NRXN1: variants seen among roughly 807,000 people sequenced by gnomAD.
NRXN1 encodes neurexin-1.
NRXN1 carries 39 observed loss-of-function variants against 150.9 expected under a neutral mutation model. The observed-to-expected ratio is 0.26, with a 90% CI of 0.20 to 0.34. NRXN1 has a LOEUF of 0.34. NRXN1 is among the 10% of genes least tolerant of loss of function. The pLI is 1.00. For synonymous variants in NRXN1, 924 were observed against 757.0 expected (o/e 1.22, Z -3.62); for missense variants, 1,815 against 1,949.9 (o/e 0.93, Z 1.30).
At chr2:50,932,469 G>A (rs1443957111) in intron 2 of NRXN1, among the ~76,000 whole-genome samples, 1 of 151,964 alleles carries the variant, frequency 6.6e-6, no homozygotes, top group East Asian at 1.9e-4. Context: ...TCTTTTAAGT[G>A]GAGCATTTAG....
At chr2:50,638,169 A>G (rs1683510023) in intron 5 of NRXN1, among the ~76,000 whole-genome samples, 1 of 152,170 alleles carries the variant, frequency 6.6e-6, no homozygotes, top group Non-Finnish European at 1.5e-5. Flanking sequence ...AGAGATGATC[A>G]TCAGAATCAC....
At chr2:50,515,019 G>C (rs556557797) in intron 12 of NRXN1, among the ~76,000 whole-genome samples, 2 of 152,186 alleles carry the variant, frequency 1.3e-5, no homozygotes, top group Admixed American at 1.3e-4. Flanking sequence ...GTACCAGCCT[G>C]TTAGGAAGCA....
intron 5 of NRXN1, among the ~76,000 whole-genome samples, chr2:50,835,121 T>C (rs773367630): frequency 1.3e-5 from 2 of 152,172 alleles, no homozygotes; most frequent in African/African-American, 2.4e-5. Context: ...AGATGGGATG[T>C]CTTCTACCTC....
chr2:51,006,579 G>A (rs1700755310), intron 2 of NRXN1, among the ~76,000 whole-genome samples: 1 of 151,532 alleles, frequency 6.6e-6, no homozygotes, highest in Non-Finnish European at 1.5e-5. Flanking sequence ...TACCATTTGA[G>A]CAACTATAGT....
intron 5 of NRXN1, among the ~76,000 whole-genome samples, chr2:50,747,398 T>C (rs1302424843): frequency 4.6e-5 from 7 of 152,172 alleles, no homozygotes; most frequent in African/African-American, 1.2e-4. Context: ...GATTCCTCTG[T>C]GGATGTTTGG....
intron 21 of NRXN1, among the ~76,000 whole-genome samples, chr2:50,047,794 T>C (rs894319135): frequency 6.6e-6 from 1 of 152,044 alleles, no homozygotes; most frequent in African/African-American, 2.4e-5. Flanking sequence ...AACTAGAACA[T>C]AAGTTCGGTG....
Position 50,135,392 on chromosome 2 carries a change from C to T in NRXN1, c.3547-43898G>A, listed in dbSNP as rs1307131158. Among the ~76,000 whole-genome samples, 3 of 152,140 alleles carry T rather than the reference C, an allele frequency of 2.0e-5. No individual in the cohort carries two copies. In the East Asian group the frequency reaches 5.8e-4, roughly 29 times the overall value. Reference sequence around the variant, plus strand: ...CAATTATTAAGTCTTTTCTTACAAACTGTAGAGTAAAAGAAGCTGCCCAAT... The same window carrying T: ...CAATTATTAAGTCTTTTCTTACAAATTGTAGAGTAAAAGAAGCTGCCCAAT... On this transcript the variant is annotated intron_variant, in intron 18 of 22. Transcript: ENST00000401669.
chr2:50,317,520 G>GA (rs140102729), intron 17 of NRXN1, among the ~76,000 whole-genome samples: 2,979 of 149,582 alleles, frequency 0.02, 108 homozygotes, highest in African/African-American at 0.07. Flanking sequence ...ATACCCAGTG[G>GA]AAAAAAAAAT....
At chr2:49,966,705 A>C (rs1677027660) in intron 21 of NRXN1, 1 of 152,130 alleles carries the variant, frequency 6.6e-6, no homozygotes, top group South Asian at 2.1e-4. Flanking sequence ...AAAATGCTCT[A>C]AAATTAGATA....
intron 18 of NRXN1, among the ~76,000 whole-genome samples, chr2:50,098,779 T>C (rs1700576420): frequency 7.3e-6 from 1 of 137,312 alleles, no homozygotes; most frequent in Non-Finnish European, 1.6e-5. Flanking sequence ...CCTTAGAGGA[T>C]GAGTCAAGAG....
chr2:50,629,372 A>G (rs1015827836), intron 5 of NRXN1, among the ~76,000 whole-genome samples: 1 of 151,696 alleles, frequency 6.6e-6, no homozygotes, highest in African/African-American at 2.4e-5. Context: ...GACACAAAAG[A>G]GAACATAGTT....
intron 18 of NRXN1, among the ~76,000 whole-genome samples, chr2:50,213,558 A>C (rs1574524898): frequency 6.6e-6 from 1 of 151,972 alleles, no homozygotes; most frequent in African/African-American, 2.4e-5. Flanking sequence ...CAGCCCTCTG[A>C]TGCTTAATCT....
chr2:51,014,689 G>A (rs1338829269), intron 2 of NRXN1, among the ~76,000 whole-genome samples: 1 of 152,022 alleles, frequency 6.6e-6, no homozygotes, highest in East Asian at 1.9e-4. Flanking sequence ...TGATTCAAAT[G>A]TCAGGTTTGT....
chr2:49,995,693 A>G (rs1423892359), intron 21 of NRXN1, among the ~76,000 whole-genome samples: 9 of 144,652 alleles, frequency 6.2e-5, no homozygotes, highest in Non-Finnish European at 9.0e-5. Context: ...AGGCAGGAGA[A>G]TGGCGTAAAC....
intron 2 of NRXN1, among the ~76,000 whole-genome samples, chr2:50,960,809 C>CA (rs1460347494): frequency 4.6e-5 from 7 of 150,794 alleles, no homozygotes; most frequent in Middle Eastern, 3.2e-3. Context: ...GCAATAAAAA[C>CA]AAAAAAAAGC....
intron 21 of NRXN1, among the ~76,000 whole-genome samples, chr2:50,026,725 G>T (rs1230536913): frequency 6.6e-6 from 1 of 151,836 alleles, no homozygotes; most frequent in Non-Finnish European, 1.5e-5. Context: ...TTCCTTTTTA[G>T]ATTATGGCCC....
intron 8 of NRXN1, among the ~76,000 whole-genome samples, chr2:50,576,524 A>G (rs1369549096): frequency 6.6e-6 from 1 of 152,168 alleles, no homozygotes; most frequent in Non-Finnish European, 1.5e-5. Context: ...ATAGGTCTCC[A>G]AAATAGCTTT....
intron 18 of NRXN1, among the ~76,000 whole-genome samples, chr2:50,218,617 T>G (rs1407856770): frequency 6.6e-6 from 1 of 151,928 alleles, no homozygotes; most frequent in Non-Finnish European, 1.5e-5. Context: ...TTTGTTTATC[T>G]TGGAGTCTAA....
intron 17 of NRXN1, among the ~76,000 whole-genome samples, chr2:50,429,572 T>C (rs998988297): frequency 6.9e-6 from 1 of 144,564 alleles, no homozygotes; most frequent in Non-Finnish European, 1.5e-5. Context: ...ATTCTCAAAA[T>C]TTTAATTTTG....
Sources: allele counts gnomAD v4.1 joint callset (sites outside exome capture counted in the v4.1 genomes callset), GRCh38; gene constraint gnomAD v4.1.1; transcripts MANE v1.5; gene names NCBI Gene and HGNC (gene_info 2026-07-23, HGNC 2026-07-21).